Variants in EPS15L1 observed in about 807,000 individuals in gnomAD.
The protein encoded by EPS15L1 is epidermal growth factor receptor substrate 15-like 1.
Under a neutral mutation model 117.1 loss-of-function variants are expected in EPS15L1, and 43 were observed. That is an observed-to-expected ratio of 0.37 (90% CI 0.29 to 0.47). EPS15L1 has a LOEUF of 0.47. Ranked by LOEUF, EPS15L1 falls within the 20% of genes least tolerant of loss-of-function variation. The pLI is 0.99. For synonymous variants in EPS15L1, 459 were observed against 470.5 expected, an observed-to-expected ratio of 0.98 and a Z score of 0.32; for missense variants, 981 against 1,164.0, an observed-to-expected ratio of 0.84 and a Z score of 2.29.
At chr19:16,469,344 T>C (rs1018758487) in intron 1 of EPS15L1, among the ~76,000 whole-genome samples, 2 of 151,208 alleles carry the variant, frequency 1.3e-5, no homozygotes, top group African/African-American at 4.9e-5. Flanking sequence ...TGTTGCGGAG[T>C]TCGAGGAGGA....
intron 19 of EPS15L1, among the ~76,000 whole-genome samples, chr19:16,389,150 A>G (rs1010002303): frequency 1.2e-4 from 18 of 151,874 alleles, no homozygotes; most frequent in African/African-American, 4.4e-4. Context: ...TTGGAAAAAA[A>G]AAAAGAAAAG....
intron 1 of EPS15L1, among the ~76,000 whole-genome samples, chr19:16,468,772 G>A (rs2093324712): frequency 6.6e-6 from 1 of 152,170 alleles, no homozygotes; most frequent in African/African-American, 2.4e-5. Context: ...AATACTTTAG[G>A]AGGCTGAGAT....
rs367934588 is a variant in EPS15L1, at chr19:16,423,796, C to T, written c.792+1287G>A. Reference sequence around the variant, plus strand: ...AGCTAACCTCAGAAGCCAGGGATCACAAAGAGGTAACAGGAGTCAGACAAG... The same window carrying T: ...AGCTAACCTCAGAAGCCAGGGATCATAAAGAGGTAACAGGAGTCAGACAAG... On this transcript the variant is annotated intron_variant, in intron 9 of 23. Coordinates refer to ENST00000455140, the MANE Select transcript of EPS15L1 (RefSeq NM_001258374.3). Among the ~76,000 whole-genome samples the T allele has an allele frequency of 3.9e-5, 6 of 152,236 alleles. No individual in the cohort carries two copies. The East Asian group carries it at 7.7e-4, about 20-fold the overall frequency.
intron 23 of EPS15L1, among the ~76,000 whole-genome samples, chr19:16,361,316 T>C (rs1330215586): frequency 6.6e-6 from 1 of 151,922 alleles, no homozygotes; most frequent in African/African-American, 2.4e-5. Flanking sequence ...AGTCCTTCAA[T>C]TTGCACTTGT....
chr19:16,471,997 G>A, upstream of EPS15L1: 3 of 1,237,804 alleles, frequency 2.4e-6, no homozygotes, highest in Admixed American at 4.3e-5. The surrounding 1 kb of genome is among the most constrained non-coding windows in gnomAD (Gnocchi z 4.8). Context: ...CGGGGCTGCA[G>A]CCACGCGTGC....
intron 22 of EPS15L1, among the ~76,000 whole-genome samples, chr19:16,368,191 TCTCA>T (rs1170937806): frequency 1.3e-5 from 2 of 152,108 alleles, no homozygotes; most frequent in African/African-American, 2.4e-5. Flanking sequence ...ATCACACAAC[TCTCA>T]CTCATCCTAC....
chr19:16,401,703 G>A, intron 16 of EPS15L1: 26 of 985,438 alleles, frequency 2.6e-5, no homozygotes, highest in Non-Finnish European at 3.1e-5. Flanking sequence ...AAAATGTAAG[G>A]GGCCGACAGT....
chr19:16,464,309 C>T (rs566225245), intron 1 of EPS15L1, among the ~76,000 whole-genome samples: 1 of 152,320 alleles, frequency 6.6e-6, no homozygotes, highest in African/African-American at 2.4e-5. Context: ...TAATGGTCTG[C>T]ACTCCATGCA....
intron 21 of EPS15L1, among the ~76,000 whole-genome samples, chr19:16,379,677 T>C (rs933501596): frequency 6.6e-6 from 1 of 152,170 alleles, no homozygotes; most frequent in African/African-American, 2.4e-5. Flanking sequence ...CAAGGCCATC[T>C]AAGGCTCCAG....
At chr19:16,367,629 T>C (rs1038021704) in intron 22 of EPS15L1, among the ~76,000 whole-genome samples, 4 of 150,614 alleles carry the variant, frequency 2.7e-5, no homozygotes, top group Non-Finnish European at 5.9e-5. Context: ...ATCGGGGCTG[T>C]GATGGGGCTG....
chr19:16,428,568 AAAAGG>A lies in EPS15L1; in HGVS notation c.558+129_558+133del, dbSNP rs1777955428. Reference sequence around the variant, plus strand: ...GACAGAAAAGAAAGGAAAAGAAAGGAAAAGGAAAGGAAAAGAAAAGAAAAGAAAAG... The same window carrying A: ...GACAGAAAAGAAAGGAAAAGAAAGGAAAAGGAAAAGAAAAGAAAAGAAAAG... On this transcript the variant is annotated intron_variant, in intron 8 of 23. Coordinates refer to ENST00000455140, the MANE Select transcript of EPS15L1 (RefSeq NM_001258374.3). The A allele has an allele frequency of 1.1e-5, 7 of 653,238 alleles. No individual in the cohort carries two copies. In the East Asian group the frequency reaches 1.5e-4, roughly 14 times the overall value. The allele number at this position is 653,238 out of a possible 1,614,324, so 40.5% of individuals were successfully genotyped here.
At chr19:16,411,899 G>A (rs114096533) in intron 13 of EPS15L1, among the ~76,000 whole-genome samples, 3,707 of 152,050 alleles carry the variant, frequency 0.024, 120 homozygotes, top group Admixed American at 0.087. Context: ...GGGTCCCACT[G>A]TGTTGCCCAG....
intron 22 of EPS15L1, among the ~76,000 whole-genome samples, chr19:16,373,281 G>C (rs1425332916): frequency 6.6e-6 from 1 of 152,106 alleles, no homozygotes; most frequent in African/African-American, 2.4e-5. Flanking sequence ...TGGGACCCAC[G>C]CATCTCGCGC....
chr19:16,446,062 C>T (rs2093080223), intron 1 of EPS15L1, among the ~76,000 whole-genome samples: 1 of 152,162 alleles, frequency 6.6e-6, no homozygotes, highest in Non-Finnish European at 1.5e-5. Context: ...TCCTCCAGCC[C>T]AGAAACAATT....
Position 16,440,902 on chromosome 19 carries a change from T to C in EPS15L1, c.173A>G (p.Asp58Gly), listed in dbSNP as rs756327966. Residue 58 changes from aspartate to glycine, a missense_variant, in exon 4 of 24, where the codon GAC (aspartate) becomes GGC (glycine). Physicochemically the swap from Asp to Gly is moderately conservative, Grantham distance 94. Coordinates refer to ENST00000455140, the MANE Select transcript of EPS15L1 (RefSeq NM_001258374.3). ...LSDIILGKIW[D>G]LADPEGKGFL... ...CCCTTTACCTTCTGGATCGGCCAAG[T>C]CCCATATCTGCGGAAACACAAAAAT... 39 of 1,614,134 alleles carry C rather than the reference T, an allele frequency of 2.4e-5. No individual in the cohort carries two copies. The highest frequency in any genetic ancestry group is 3.2e-5 in the Non-Finnish European group (38 of 1,179,976).
At chr19:16,356,786 T>C (rs1257302562) in intron 23 of EPS15L1, 1 of 152,176 alleles carries the variant, frequency 6.6e-6, no homozygotes, top group Non-Finnish European at 1.5e-5. Context: ...CAAAGTACTT[T>C]AGTCATGAAA....
chr19:16,395,494 G>A (rs748259491), intron 16 of EPS15L1, 27 bp from the exon 17 acceptor site: 2 of 1,608,798 alleles, frequency 1.2e-6, no homozygotes, highest in Middle Eastern at 1.7e-4. Flanking sequence ...AAACAGGACA[G>A]GGATTTTATT....
intron 22 of EPS15L1, among the ~76,000 whole-genome samples, chr19:16,372,788 G>A (rs1051383767): frequency 1.3e-5 from 2 of 152,244 alleles, no homozygotes; most frequent in African/African-American, 4.8e-5. Flanking sequence ...CCCATGGTCA[G>A]GCAGGAAAAC....
At chr19:16,463,142 T>A (rs2093269661) in intron 1 of EPS15L1, among the ~76,000 whole-genome samples, 1 of 152,172 alleles carries the variant, frequency 6.6e-6, no homozygotes, top group Non-Finnish European at 1.5e-5. Flanking sequence ...TCTTTTTGAC[T>A]GTACCTAAAT....
Sources: allele counts gnomAD v4.1 joint callset (sites outside exome capture counted in the v4.1 genomes callset), GRCh38; gene constraint gnomAD v4.1.1; non-coding constraint Gnocchi (gnomAD v3.1); transcripts MANE v1.5; gene names NCBI Gene and HGNC (gene_info 2026-07-23, HGNC 2026-07-21).